CRISPLD1: variants seen among roughly 807,000 people sequenced by gnomAD.
CRISPLD1 encodes cysteine-rich secretory protein LCCL domain-containing 1.
A neutral mutation model predicts 77.5 loss-of-function variants in CRISPLD1; 60 were observed. The ratio of observed to expected loss-of-function variants is 0.77; its 90% confidence interval spans 0.63 to 0.96. The LOEUF (loss-of-function observed/expected upper bound fraction) is 0.96. Among genes scored for constraint, CRISPLD1 ranks in the 40% least tolerant of loss-of-function variants. The pLI is 0.00. For synonymous variants in CRISPLD1, 195 were observed against 200.1 expected (o/e 0.97, Z 0.22); for missense variants, 623 against 615.8 (o/e 1.01, Z -0.12).
intron 6 of CRISPLD1, 42 bp from the exon 7 acceptor site, chr8:75,016,523 T>C (rs1813029805): frequency 6.4e-7 from 1 of 1,556,486 alleles, no homozygotes; most frequent in South Asian, 1.2e-5. Context: ...CATGCACATG[T>C]AAAATAGGGT....
chr8:75,021,266 T>C (rs963600426), intron 12 of CRISPLD1, among the ~76,000 whole-genome samples: 13 of 152,338 alleles, frequency 8.5e-5, no homozygotes, highest in African/African-American at 3.1e-4. Context: ...AGCGGAAGAC[T>C]GTGATCTTCA....
intron 11 of CRISPLD1, 32 bp from the exon 12 acceptor site, chr8:75,019,975 T>C: frequency 6.2e-7 from 1 of 1,612,640 alleles, no homozygotes; most frequent in East Asian, 2.2e-5. Flanking sequence ...TTTCAAAGGA[T>C]TCACTCATTG....
At chr8:75,029,736 A>G (rs1813300161) in intron 14 of CRISPLD1, among the ~76,000 whole-genome samples, 1 of 152,164 alleles carries the variant, frequency 6.6e-6, no homozygotes, top group African/African-American at 2.4e-5. Flanking sequence ...ATAAAAATCA[A>G]CATGAAAATC....
chr8:75,005,875 A>G (rs1812821788), intron 2 of CRISPLD1, among the ~76,000 whole-genome samples: 1 of 152,158 alleles, frequency 6.6e-6, no homozygotes, highest in Non-Finnish European at 1.5e-5. Context: ...CAATGCCACC[A>G]TATTTCCATT....
rs1220777230 is a variant in CRISPLD1, at chr8:75,014,913, G to GT, written c.727+2dup. On this transcript the variant is annotated splice_donor_variant, in intron 6 of 14. Coordinates refer to ENST00000262207, the MANE Select transcript of CRISPLD1 (RefSeq NM_031461.6). LOFTEE classifies it high-confidence loss of function. ...TGTAGAGAAAATCTGTGCTACAAAGGTAAGTGCTATTGTGTTGTGGTATTC... is the reference window on the plus strand; with the variant it reads ...TGTAGAGAAAATCTGTGCTACAAAGGTTAAGTGCTATTGTGTTGTGGTATTC... The GT allele has an allele frequency of 6.4e-7, 1 of 1,558,160 alleles. No individual in the cohort carries two copies. The highest frequency in any genetic ancestry group is 8.6e-7 in the Non-Finnish European group (1 of 1,156,138).
At chr8:75,002,630 G>GT (rs1461670487) in intron 2 of CRISPLD1, among the ~76,000 whole-genome samples, 1 of 151,944 alleles carries the variant, frequency 6.6e-6, no homozygotes, top group Admixed American at 6.6e-5. Flanking sequence ...TGGAAGCAGG[G>GT]TTGTGTGAGA....
intron 2 of CRISPLD1, among the ~76,000 whole-genome samples, chr8:75,010,114 G>A (rs768476153): frequency 2.0e-5 from 3 of 151,804 alleles, no homozygotes; most frequent in Non-Finnish European, 2.9e-5. Context: ...ATTTTTAGTC[G>A]CATATACACT....
chr8:74,990,806 C>T (rs1331217164), intron 2 of CRISPLD1, among the ~76,000 whole-genome samples: 1 of 151,372 alleles, frequency 6.6e-6, no homozygotes, highest in African/African-American at 2.4e-5. Flanking sequence ...TTGGGCACAT[C>T]GTTAACTTTT....
chr8:75,006,433 G>GT (rs986117668), intron 2 of CRISPLD1, among the ~76,000 whole-genome samples: 2 of 151,886 alleles, frequency 1.3e-5, no homozygotes, highest in African/African-American at 4.8e-5. Flanking sequence ...CTATTTTCCA[G>GT]TTTTTTTGAG....
intron 14 of CRISPLD1, among the ~76,000 whole-genome samples, chr8:75,030,127 T>C (rs1359837086): frequency 6.6e-6 from 1 of 152,160 alleles, no homozygotes; most frequent in Non-Finnish European, 1.5e-5. Context: ...TTTAAAATCA[T>C]TATTACTTAT....
In CRISPLD1 at chr8:74,997,083, C is replaced by G. The variant is rs185824981; in HGVS notation, c.258+10838C>G. Among the ~76,000 whole-genome samples the G allele has an allele frequency of 1.0e-3, 158 of 152,250 alleles. 1 individual carries two copies. The highest frequency in any genetic ancestry group is 5.1e-4 in the Non-Finnish European group (35 of 68,024). ...TTATTTTGAATGAAATGGAAAAGCA[C>G]TGGACAGTTTCTCACAAGGGACTGA... On this transcript the variant is annotated intron_variant, in intron 2 of 14. Transcript: ENST00000262207.
rs1323596150 is a variant in CRISPLD1 at position 75,016,578 on chromosome 8, G to A, written c.741G>A (p.Arg247=). Reference sequence around the variant, plus strand: ...TTTCTCTAACAGAAGGGTCAGACAGGTATTATCCCCCTCGAGAAGAGGAAA... The same window carrying A: ...TTTCTCTAACAGAAGGGTCAGACAGATATTATCCCCCTCGAGAAGAGGAAA... ...ENLCYKEGSD[R]YYPPREEETN... is the part of the protein sequence containing the mutation. The change falls in exon 7 of 15, where the codon AGG becomes AGA. Residue 247 remains arginine, a synonymous_variant. Transcript: ENST00000262207. The A allele has an allele frequency of 6.2e-7, 1 of 1,612,032 alleles. No individual in the cohort carries two copies. The highest frequency in any genetic ancestry group is 1.3e-5 in the African/African-American group (1 of 74,810).
At position 75,006,625 on chromosome 8, in the gene CRISPLD1, T is replaced by C. The variant is rs551360748; in HGVS notation, c.259-5808T>C. Among the ~76,000 whole-genome samples the C allele has an allele frequency of 5.3e-5, 8 of 152,268 alleles. No individual in the cohort carries two copies. In the South Asian group the frequency reaches 1.7e-3, roughly 32 times the overall value. ...TGTAAGAGTTTCTAGTCAATAATTA[T>C]TTCTGTGTAGCGGTTAGGGTGTTAA... On this transcript the variant is annotated intron_variant, in intron 2 of 14. Coordinates refer to ENST00000262207, the MANE Select transcript of CRISPLD1 (RefSeq NM_031461.6).
intron 12 of CRISPLD1, among the ~76,000 whole-genome samples, chr8:75,023,146 A>G (rs1813168493): frequency 6.6e-6 from 1 of 152,142 alleles, no homozygotes; most frequent in South Asian, 2.1e-4. Flanking sequence ...AGCTGTTAAA[A>G]ACAGATTGGA....
chr8:75,001,437 A>G (rs775149761), intron 2 of CRISPLD1, among the ~76,000 whole-genome samples: 3 of 152,130 alleles, frequency 2.0e-5, no homozygotes, highest in African/African-American at 2.4e-5. Flanking sequence ...GAATGCCAAG[A>G]CTCTTGATGA....
chr8:75,009,158 C>T (rs184667483), intron 2 of CRISPLD1, among the ~76,000 whole-genome samples: 1 of 152,112 alleles, frequency 6.6e-6, no homozygotes, highest in Admixed American at 6.5e-5. Flanking sequence ...CATGATTGCC[C>T]TGACTTGAGT....
Position 75,032,171 on chromosome 8 carries a change from T to C in CRISPLD1, c.1452-20T>C. ...AGAGATGACATCAATATACTTTTCA[T>C]ATATTTTTTTTTTTTGCAGTTTACA... On this transcript the variant is annotated intron_variant, in intron 14 of 14. Coordinates refer to ENST00000262207, the MANE Select transcript of CRISPLD1 (RefSeq NM_031461.6). 1.3e-6 allele frequency: 2 copies of C among 1,532,622 alleles called. No individual in the cohort carries two copies. The highest frequency in any genetic ancestry group is 8.9e-7 in the Non-Finnish European group (1 of 1,129,178). The allele number at this position is 1,532,622 out of a possible 1,614,324, so 94.9% of individuals were successfully genotyped here. A position where few individuals can be genotyped will look rare whatever the true frequency, so the allele number is the denominator to read the frequency against.
At chr8:75,017,271 C>T in intron 9 of CRISPLD1, 49 bp from the exon 10 acceptor site, 1 of 1,593,628 alleles carries the variant, frequency 6.3e-7, no homozygotes. Flanking sequence ...GGGACTTATG[C>T]AGAACTCTAA....
intron 1 of CRISPLD1, 147 bp from the exon 2 acceptor site, chr8:74,985,779 T>A (rs1812485956): frequency 1.6e-6 from 1 of 627,774 alleles, no homozygotes; most frequent in Admixed American, 2.6e-5. Flanking sequence ...GGAGATAAGT[T>A]ATTTCAAAAT....
Sources: allele counts gnomAD v4.1 joint callset (sites outside exome capture counted in the v4.1 genomes callset), GRCh38; gene constraint gnomAD v4.1.1; transcripts MANE v1.5; gene names NCBI Gene and HGNC (gene_info 2026-07-23, HGNC 2026-07-21).